GLT8D2: variants seen among roughly 807,000 people sequenced by gnomAD.
The protein encoded by GLT8D2 is glycosyltransferase 8 domain containing 2.
GLT8D2 carries 45 observed loss-of-function variants against 44.5 expected under a neutral mutation model. The ratio of observed to expected loss-of-function variants is 1.01; its 90% CI spans 0.80 to 1.30. The LOEUF is 1.30. Ranked by LOEUF, GLT8D2 falls within the 50% of genes most tolerant of loss-of-function variation. The probability of loss-of-function intolerance (pLI) is 0.00; values close to 1 mark genes in which losing one functional copy is unlikely to be tolerated. For synonymous variants in GLT8D2, 156 were observed against 157.2 expected, an observed-to-expected ratio of 0.99 and a Z score of 0.06; for missense variants, 400 against 430.4, an observed-to-expected ratio of 0.93 and a Z score of 0.62.
intron 1 of GLT8D2, among the ~76,000 whole-genome samples, chr12:104,045,045 G>C (rs578036818): frequency 6.6e-6 from 1 of 152,212 alleles, no homozygotes; most frequent in Non-Finnish European, 1.5e-5. Context: ...TGAGGACAGC[G>C]ACTGTGGCTT....
chr12:104,007,986 G>A (rs1427297010), intron 4 of GLT8D2, among the ~76,000 whole-genome samples: 1 of 152,230 alleles, frequency 6.6e-6, no homozygotes, highest in East Asian at 1.9e-4. Flanking sequence ...CTCCAGCCAT[G>A]TGGAACTGTA....
intron 5 of GLT8D2, among the ~76,000 whole-genome samples, chr12:104,002,599 C>G (rs561688443): frequency 6.6e-6 from 1 of 152,106 alleles, no homozygotes; most frequent in African/African-American, 2.4e-5. Flanking sequence ...TTTTAATTTT[C>G]TGTTTATTTT....
At chr12:104,013,449 C>T (rs1002961059) in intron 4 of GLT8D2, among the ~76,000 whole-genome samples, 11 of 151,988 alleles carry the variant, frequency 7.2e-5, no homozygotes, top group South Asian at 2.1e-4. Flanking sequence ...GTATCCCTCA[C>T]GAGTTGATGT....
At chr12:104,004,290 G>T (rs959123080) in intron 4 of GLT8D2, among the ~76,000 whole-genome samples, 1 of 152,124 alleles carries the variant, frequency 6.6e-6, no homozygotes, top group Non-Finnish European at 1.5e-5. Flanking sequence ...ATGGGCAAAA[G>T]CTGAAAGCAT....
At chr12:104,050,507 T>C (rs748436872), upstream of GLT8D2, among the ~76,000 whole-genome samples, 12 of 152,280 alleles carry the variant, frequency 7.9e-5, no homozygotes, top group Middle Eastern at 3.4e-3. Flanking sequence ...GTGGTCTTCT[T>C]CTACCAAGGC....
chr12:104,041,329 G>A (rs1020811703), intron 1 of GLT8D2, among the ~76,000 whole-genome samples: 1 of 152,198 alleles, frequency 6.6e-6, no homozygotes, highest in Non-Finnish European at 1.5e-5. Flanking sequence ...TAGGAGAATC[G>A]CTTGAACCTG....
In GLT8D2 at chr12:104,004,484, C is replaced by T. The variant is rs145379979; in HGVS notation, c.113-1178G>A. On this transcript the variant is annotated intron_variant, in intron 4 of 10. Transcript: ENST00000360814. Reference sequence around the variant, plus strand: ...ATGATTGTATATTTAGAAAACCCGACCGTCTCAGCCCATAATCTCCTCAAG... The same window carrying T: ...ATGATTGTATATTTAGAAAACCCGATCGTCTCAGCCCATAATCTCCTCAAG... Among the ~76,000 whole-genome samples the T allele has an allele frequency of 8.6e-3, 1,304 of 152,252 alleles. 14 individuals are homozygous for T. Among genetic ancestry groups the T allele is most frequent in the African/African-American group, 0.03 (1,247 of 41,548 alleles).
At chr12:104,002,990 CAGAAAG>C (rs1269012244) in intron 5 of GLT8D2, 139 bp downstream of exon 5, 1 of 602,384 alleles carries the variant, frequency 1.7e-6, no homozygotes, top group Non-Finnish European at 2.8e-6. Context: ...GAGAGAGAGA[CAGAAAG>C]AGAGAGGGAG....
intron 1 of GLT8D2, among the ~76,000 whole-genome samples, chr12:104,029,960 T>C (rs932608431): frequency 2.6e-5 from 4 of 151,744 alleles, no homozygotes; most frequent in African/African-American, 9.7e-5. Flanking sequence ...AAAATTCCAA[T>C]GACATTTTTC....
rs1160617201 is a variant in GLT8D2, at chr12:104,016,768, AAAGAAAGAAGG to A, written c.20-1674_20-1664del. On this transcript the variant is annotated intron_variant, in intron 3 of 10. Transcript: ENST00000360814. ...GAAAGAAAGAAAGAAAGAAAGAAAG[AAAGAAAGAAGG>A]AAGGAAGGAAGGAAGGAAGGAAGGA... Among the ~76,000 whole-genome samples the A allele has an allele frequency of 8.9e-4, 82 of 92,456 alleles. 1 individual carries two copies. In the East Asian group the frequency reaches 0.011, roughly 13 times the overall value. 60.7% of individuals were successfully genotyped at this position (92,456 alleles called of 152,430 possible). A position where few individuals can be genotyped will look rare whatever the true frequency, so the allele number is the denominator to read the frequency against.
chr12:104,042,920 C>G (rs1207960010), intron 1 of GLT8D2, among the ~76,000 whole-genome samples: 1 of 152,216 alleles, frequency 6.6e-6, no homozygotes, highest in African/African-American at 2.4e-5. Context: ...AGGCAGAGAT[C>G]TGGAACCAAG....
At chr12:104,055,023 T>A (rs746857370), upstream of GLT8D2, among the ~76,000 whole-genome samples, 8 of 152,264 alleles carry the variant, frequency 5.3e-5, no homozygotes, top group Middle Eastern at 3.4e-3. Flanking sequence ...GATGATGCAG[T>A]ACCCTGGGGC....
chr12:104,009,716 T>C (rs767998726), intron 4 of GLT8D2, among the ~76,000 whole-genome samples: 7 of 152,230 alleles, frequency 4.6e-5, no homozygotes, highest in African/African-American at 1.7e-4. Flanking sequence ...CCACATGTTG[T>C]GGGAGGGACC....
chr12:104,006,484 C>T (rs574996376), intron 4 of GLT8D2, among the ~76,000 whole-genome samples: 5 of 152,286 alleles, frequency 3.3e-5, no homozygotes, highest in African/African-American at 9.6e-5. Context: ...GCTTGGATTT[C>T]CACCCTGTAT....
At chr12:104,021,909 GAAGAA>G (rs1877743561) in intron 1 of GLT8D2, among the ~76,000 whole-genome samples, 5 of 15,012 alleles carry the variant, frequency 3.3e-4, no homozygotes, top group South Asian at 3.9e-3. Flanking sequence ...AGAAGAAGAA[GAAGAA>G]GAAGAAGAAG....
chr12:104,042,420 G>A (rs751017272), intron 1 of GLT8D2, among the ~76,000 whole-genome samples: 1 of 152,194 alleles, frequency 6.6e-6, no homozygotes, highest in Non-Finnish European at 1.5e-5. Context: ...AACTTCTTAT[G>A]TGACAGAATC....
intron 1 of GLT8D2, among the ~76,000 whole-genome samples, chr12:104,035,862 A>G (rs993179368): frequency 2.6e-5 from 4 of 152,190 alleles, no homozygotes; most frequent in African/African-American, 9.7e-5. Context: ...CAAGATATAT[A>G]ATTGTCAGAT....
intron 3 of GLT8D2, among the ~76,000 whole-genome samples, chr12:104,016,709 G>GAGAAAGAAAGAAAGAA (rs550246831): frequency 1.6e-4 from 12 of 72,760 alleles, no homozygotes; most frequent in East Asian, 3.9e-4. Context: ...GAAAGGGAGA[G>GAGAAAGAAAGAAAGAA]AGAAAGAAAG....
At chr12:103,996,562 A>T (rs10861153) in intron 8 of GLT8D2, among the ~76,000 whole-genome samples, 173 bp downstream of exon 8, 12,789 of 152,196 alleles carry the variant, frequency 0.084, 1,095 homozygotes, top group African/African-American at 0.21. Context: ...TAAGGCATGG[A>T]GCTAAGATAT....
Sources: gnomAD v4.1 joint callset for allele counts (sites outside exome capture counted in the v4.1 genomes callset) on GRCh38, gnomAD v4.1.1 for gene constraint, MANE v1.5 for transcripts, NCBI Gene and HGNC (gene_info 2026-07-23, HGNC 2026-07-21) for gene names.